Variants in MYLK4 observed in about 807,000 individuals in gnomAD.
The protein encoded by MYLK4 is caMLCK like.
Under a neutral mutation model 48.1 loss-of-function variants are expected in MYLK4, and 46 were observed. That is an observed-to-expected ratio of 0.96 (90% CI 0.75 to 1.22). The LOEUF (loss-of-function observed/expected upper bound fraction) is 1.22. MYLK4 is among the 50% of genes most tolerant of loss of function. The probability of loss-of-function intolerance (pLI) is 0.00; values close to 1 mark genes in which losing one functional copy is unlikely to be tolerated. For missense variants in MYLK4, 451 were observed against 486.1 expected (o/e 0.93, Z 0.68); for synonymous variants, 170 against 180.8 (o/e 0.94, Z 0.48).
Position 2,671,298 on chromosome 6 carries a change from A to G in MYLK4, c.*3T>C, listed in dbSNP as rs76537038. The G allele has an allele frequency of 6.7e-3, 10,803 of 1,613,842 alleles. 342 individuals are homozygous for G. In the African/African-American group the frequency reaches 0.086, roughly 13 times the overall value. On this transcript the variant is annotated 3_prime_UTR_variant, in exon 12 of 13. Coordinates refer to ENST00000274643, the MANE Select transcript of MYLK4 (RefSeq NM_001012418.5). ...AACCTTCCAAATGGCTGCCTCCTGT[A>G]GACTATTTGGTCACAAAGTCCTGGG...
chr6:2,721,566 G>A (rs1468751610), intron 2 of MYLK4, among the ~76,000 whole-genome samples: 1 of 150,392 alleles, frequency 6.6e-6, no homozygotes, highest in Non-Finnish European at 1.5e-5. Context: ...AAAGGTTAGA[G>A]AGGCATGCAT....
chr6:2,759,166 A>T, the MYLK4 span, among the ~76,000 whole-genome samples: 2 of 152,176 alleles, frequency 1.3e-5, no homozygotes, highest in Non-Finnish European at 2.9e-5. Flanking sequence ...CCCAGGCTGG[A>T]GTGCTGTGGC....
chr6:2,725,555 C>CGACAG (rs11441958), intron 2 of MYLK4, among the ~76,000 whole-genome samples: 1 of 89,674 alleles, frequency 1.1e-5, no homozygotes, highest in Non-Finnish European at 2.4e-5. Context: ...AACAAAGAAA[C>CGACAG]AAAGAAAGAA....
intron 2 of MYLK4, among the ~76,000 whole-genome samples, chr6:2,729,253 G>A (rs1582106049): frequency 6.6e-6 from 1 of 152,214 alleles, no homozygotes; most frequent in Admixed American, 6.5e-5. Context: ...CAGCTATAGT[G>A]CCAACCTCTC....
At chr6:2,763,676 A>C in the MYLK4 span, among the ~76,000 whole-genome samples, 13 of 152,310 alleles carry the variant, frequency 8.5e-5, no homozygotes, top group Middle Eastern at 6.8e-3. Flanking sequence ...AAGCTGAGGG[A>C]GCCAGCTCCG....
the MYLK4 span, among the ~76,000 whole-genome samples, chr6:2,762,471 T>C: frequency 6.6e-6 from 1 of 152,208 alleles, no homozygotes; most frequent in African/African-American, 2.4e-5. Flanking sequence ...CATTTTAAAA[T>C]TTTTTGGATG....
chr6:2,710,755 A>G (rs543929045), intron 2 of MYLK4, among the ~76,000 whole-genome samples: 45 of 152,152 alleles, frequency 3.0e-4, no homozygotes, highest in Non-Finnish European at 4.7e-4. Context: ...CCTAGACCAA[A>G]CCCCTGGTGT....
intron 2 of MYLK4, among the ~76,000 whole-genome samples, chr6:2,720,356 A>G (rs1230748747): frequency 6.6e-6 from 1 of 152,138 alleles, no homozygotes. Flanking sequence ...GTGAGCCGAG[A>G]TCGCGCCACT....
chr6:2,752,781 G>C (rs1015454644), upstream of MYLK4, among the ~76,000 whole-genome samples: 1 of 152,174 alleles, frequency 6.6e-6, no homozygotes, highest in African/African-American at 2.4e-5. Context: ...TTAATGACTA[G>C]ATAGAATGAT....
chr6:2,704,338 T>A (rs934177939), intron 2 of MYLK4, among the ~76,000 whole-genome samples: 2 of 152,222 alleles, frequency 1.3e-5, no homozygotes, highest in Non-Finnish European at 2.9e-5. Flanking sequence ...CCCACGTCCA[T>A]GCAGCGCAAT....
chr6:2,753,792 T>A (rs1764356227), upstream of MYLK4, among the ~76,000 whole-genome samples: 1 of 151,930 alleles, frequency 6.6e-6, no homozygotes, highest in African/African-American at 2.4e-5. Flanking sequence ...AAATCAGTCA[T>A]CAGGGAGATG....
chr6:2,682,944 G>A, intron 7 of MYLK4, 77 bp downstream of exon 7: 1 of 1,511,134 alleles, frequency 6.6e-7, no homozygotes, highest in South Asian at 1.1e-5. Context: ...TCCCCAGCTG[G>A]CATATAATAG....
chr6:2,687,377 G>A (rs929249381), intron 4 of MYLK4, among the ~76,000 whole-genome samples: 1 of 152,104 alleles, frequency 6.6e-6, no homozygotes, highest in Non-Finnish European at 1.5e-5. Context: ...GAGAGCTGAC[G>A]GGCAGCTGGT....
At position 2,740,511 on chromosome 6, in the gene MYLK4, T is replaced by C. The variant is rs145630042; in HGVS notation, c.159+8625A>G. ...GTGCCAATTGCCTGCTTCAGTCCTA[T>C]GGGCAGGTGGCTCTGAGGTCATCCT... On this transcript the variant is annotated intron_variant, in intron 2 of 12. Coordinates refer to ENST00000274643, the MANE Select transcript of MYLK4 (RefSeq NM_001012418.5). Among the ~76,000 whole-genome samples the C allele has an allele frequency of 3.5e-3, 533 of 152,356 alleles. 4 individuals are homozygous for C. The highest frequency in any genetic ancestry group is 0.012 in the African/African-American group (511 of 41,594).
At chr6:2,762,203 C>G in the MYLK4 span, among the ~76,000 whole-genome samples, 212 of 151,806 alleles carry the variant, frequency 1.4e-3, 2 homozygotes, top group Middle Eastern at 6.8e-3. Flanking sequence ...TATATTAATT[C>G]TATCTCTCTT....
chr6:2,753,718 T>C (rs1430930613), upstream of MYLK4, among the ~76,000 whole-genome samples: 1 of 151,908 alleles, frequency 6.6e-6, no homozygotes, highest in Non-Finnish European at 1.5e-5. Context: ...GGACAAAAGA[T>C]TAAAACAGAC....
chr6:2,765,438 G>C, the MYLK4 span: 1 of 643,096 alleles, frequency 1.6e-6, no homozygotes, highest in Non-Finnish European at 2.2e-6. Flanking sequence ...GGCCGGCCGA[G>C]GGCGGGCGGA....
At chr6:2,695,017 T>C (rs777401098) in intron 2 of MYLK4, among the ~76,000 whole-genome samples, 5 of 152,178 alleles carry the variant, frequency 3.3e-5, no homozygotes, top group African/African-American at 1.2e-4. Context: ...GAGAAGGTCA[T>C]AAATCAAAAA....
intron 3 of MYLK4, among the ~76,000 whole-genome samples, chr6:2,689,225 A>G (rs985212863): frequency 6.6e-6 from 1 of 152,162 alleles, no homozygotes; most frequent in Admixed American, 6.5e-5. Context: ...AGAAATGTCA[A>G]AATAGTTGAA....
Sources: allele counts gnomAD v4.1 joint callset (sites outside exome capture counted in the v4.1 genomes callset), GRCh38; gene constraint gnomAD v4.1.1; transcripts MANE v1.5; gene names NCBI Gene and HGNC (gene_info 2026-07-23, HGNC 2026-07-21).